NLRP14: variants seen among roughly 807,000 people sequenced by gnomAD.
NLRP14 encodes the protein NACHT, LRR and PYD domains-containing protein 14.
NLRP14 carries 105 observed loss-of-function variants against 94.7 expected under a neutral mutation model. That is an observed-to-expected ratio of 1.11 (90% confidence interval 0.95 to 1.30). The LOEUF (loss-of-function observed/expected upper bound fraction) is 1.30. Among genes scored for constraint, NLRP14 ranks in the 50% most tolerant of loss-of-function variants. The pLI, the probability that NLRP14 is intolerant of heterozygous loss-of-function variation, is 0.00. For missense variants in NLRP14, 1,362 were observed against 1,254.1 expected (o/e 1.09, Z -1.30); for synonymous variants, 508 against 459.9 (o/e 1.10, Z -1.34).
At position 7,027,100 on chromosome 11, in the gene NLRP14, C is replaced by G. The variant is rs564830040; in HGVS notation, c.-22+6330C>G. On this transcript the variant is annotated intron_variant, in intron 1 of 11. Coordinates refer to ENST00000299481, the MANE Select transcript of NLRP14 (RefSeq NM_176822.4). ...ATGTAGTCACTAGTTTCCATCCATT[C>G]TTGCTCACATGCCACATGCACCTAA... is the stretch of plus-strand genomic sequence containing the variant. 9.2e-5 allele frequency among the ~76,000 whole-genome samples: 14 copies of G among 152,026 alleles called. No homozygotes were observed. The South Asian group carries it at 2.9e-3, about 32-fold the overall frequency.
the NLRP14 span, among the ~76,000 whole-genome samples, chr11:7,080,329 A>T: frequency 6.6e-6 from 1 of 152,154 alleles, no homozygotes; most frequent in African/African-American, 2.4e-5. Context: ...AAAATGATAT[A>T]CTATCTATCC....
intron 10 of NLRP14, among the ~76,000 whole-genome samples, chr11:7,069,159 T>G (rs962018145): frequency 7.9e-5 from 12 of 152,230 alleles, no homozygotes; most frequent in Admixed American, 4.6e-4. Flanking sequence ...ATGATTATAT[T>G]TCCTGATGAA....
intron 1 of NLRP14, among the ~76,000 whole-genome samples, chr11:7,036,319 C>A (rs1443073867): frequency 6.6e-6 from 1 of 152,146 alleles, no homozygotes; most frequent in Admixed American, 6.5e-5. Flanking sequence ...ACAACAAATT[C>A]CTTCGAGGAC....
intron 10 of NLRP14, among the ~76,000 whole-genome samples, chr11:7,069,093 C>T (rs1351288749): frequency 6.6e-6 from 1 of 151,898 alleles, no homozygotes; most frequent in East Asian, 1.9e-4. Context: ...CTTTGCAGTT[C>T]TGTTCGTTTC....
chr11:7,046,981 G>A lies in NLRP14; in HGVS notation c.2123+149G>A, dbSNP rs558451553. On this transcript the variant is annotated intron_variant, in intron 5 of 11. Coordinates refer to ENST00000299481, the MANE Select transcript of NLRP14 (RefSeq NM_176822.4). The stretch of plus-strand genomic sequence containing the variant: ...AACAGGAACAATGGAATCCTCTGGG[G>A]ACATGGGATCATTACTAACTGGTTC... 1.8e-5 allele frequency: 13 copies of A among 708,720 alleles called. No homozygotes were observed. The South Asian group carries it at 1.9e-4, about 10-fold the overall frequency. 43.9% of individuals were successfully genotyped at this position (708,720 alleles called of 1,614,324 possible).
chr11:7,071,395 G>C lies in NLRP14; in HGVS notation c.*87G>C. Reference sequence around the variant, plus strand: ...ACCCAGACTTGGGTGCTTAGCTTCAGATACTCTATGCCCAGAGATAGTGCA... The same window carrying C: ...ACCCAGACTTGGGTGCTTAGCTTCACATACTCTATGCCCAGAGATAGTGCA... On this transcript the variant is annotated 3_prime_UTR_variant, in exon 12 of 12. Transcript: ENST00000299481. 1 of 1,055,772 alleles carries C rather than the reference G, an allele frequency of 9.5e-7. No homozygotes were observed. 65.4% of individuals were successfully genotyped at this position (1,055,772 alleles called of 1,614,324 possible).
At chr11:7,090,114 C>T in the NLRP14 span, 2 of 1,612,322 alleles carry the variant, frequency 1.2e-6, no homozygotes, top group Non-Finnish European at 1.7e-6. Context: ...CAGTTATGGC[C>T]GGAGCGACCG....
the NLRP14 span, chr11:7,089,673 C>T: frequency 1.4e-5 from 20 of 1,433,730 alleles, no homozygotes; most frequent in Admixed American, 4.7e-5. Context: ...CCTGGCCGTG[C>T]GGGGGCGAGA....
chr11:7,052,126 A>G (rs1485363643), intron 6 of NLRP14, among the ~76,000 whole-genome samples: 1 of 152,228 alleles, frequency 6.6e-6, no homozygotes, highest in African/African-American at 2.4e-5. Flanking sequence ...AAACCTTGGC[A>G]TAGTCCAATA....
rs775621116 is a variant in NLRP14, at chr11:7,042,551, G to A, written c.525G>A (p.Gln175=). ...LFDVDVKTGA[Q]PQIVVLQGAA... is the part of the protein sequence containing the mutation. ...ATGTGGATGTCAAAACCGGTGCACA[G>A]CCACAGATCGTGGTGCTTCAGGGAG... Residue 175 remains glutamine, a synonymous_variant, in exon 4 of 12, where the codon CAG becomes CAA. Coordinates refer to ENST00000299481, the MANE Select transcript of NLRP14 (RefSeq NM_176822.4). The A allele has an allele frequency of 1.2e-6, 2 of 1,614,222 alleles. No homozygotes were observed. The highest frequency in any genetic ancestry group is 3.3e-5 in the Admixed American group (2 of 60,034).
Position 7,043,202 on chromosome 11 carries a change from C to G in NLRP14, c.1176C>G (p.Thr392=). The G allele has an allele frequency of 6.2e-7, 1 of 1,614,128 alleles. No homozygotes were observed. Among genetic ancestry groups the G allele is most frequent in the South Asian group, 1.1e-5 (1 of 91,080 alleles). The part of the protein sequence containing the change: ...QMEKGGDVTL[T]CQTTTALFTC... ...AGAAGGGTGGTGATGTCACATTGACCTGCCAAACAACCACAGCTCTGTTTA... is the reference window on the plus strand; with the variant it reads ...AGAAGGGTGGTGATGTCACATTGACGTGCCAAACAACCACAGCTCTGTTTA... The change falls in exon 4 of 12, where the codon ACC becomes ACG. Residue 392 remains threonine (T), a synonymous_variant. Coordinates refer to ENST00000299481, the MANE Select transcript of NLRP14 (RefSeq NM_176822.4).
At chr11:7,080,527 C>G in the NLRP14 span, among the ~76,000 whole-genome samples, 3 of 152,258 alleles carry the variant, frequency 2.0e-5, no homozygotes, top group Non-Finnish European at 4.4e-5. Context: ...TTTATTGATG[C>G]TATTTCAATC....
intron 10 of NLRP14, among the ~76,000 whole-genome samples, chr11:7,069,224 G>C (rs541666506): frequency 2.0e-4 from 30 of 152,186 alleles, no homozygotes; most frequent in African/African-American, 7.2e-4. Flanking sequence ...GATTTTGTGT[G>C]ATATTTACAT....
chr11:7,058,059 T>C, intron 7 of NLRP14, among the ~76,000 whole-genome samples: 1 of 152,008 alleles, frequency 6.6e-6, no homozygotes, highest in East Asian at 1.9e-4. Flanking sequence ...TTGACCTCTT[T>C]ATTTTCATTC....
chr11:7,055,916 G>A (rs768197041), intron 6 of NLRP14, among the ~76,000 whole-genome samples: 28 of 152,010 alleles, frequency 1.8e-4, no homozygotes, highest in Non-Finnish European at 2.6e-4. Flanking sequence ...AGAGGAAGTC[G>A]TGCAGGCTCT....
At chr11:7,075,296 T>C (rs1328715154), downstream of NLRP14, among the ~76,000 whole-genome samples, 1 of 152,226 alleles carries the variant, frequency 6.6e-6, no homozygotes, top group Non-Finnish European at 1.5e-5. Context: ...TGCAAAGACC[T>C]AGTATTAAAA....
intron 1 of NLRP14, among the ~76,000 whole-genome samples, chr11:7,021,433 T>G (rs1245227025): frequency 6.6e-6 from 1 of 152,180 alleles, no homozygotes; most frequent in Non-Finnish European, 1.5e-5. Context: ...GGAGACCACA[T>G]TTTGAAAATT....
At chr11:7,089,258 C>G in the NLRP14 span, 6 of 1,611,572 alleles carry the variant, frequency 3.7e-6, no homozygotes, top group Non-Finnish European at 5.1e-6. Context: ...GAGAAACCAA[C>G]AAGTCGAGGG....
chr11:7,063,374 AG>A (rs1227180438), intron 10 of NLRP14, among the ~76,000 whole-genome samples: 17 of 152,062 alleles, frequency 1.1e-4, no homozygotes, highest in African/African-American at 3.6e-4. Context: ...CGAGTCTCAC[AG>A]GGCTGATGAA....
Sources: allele counts gnomAD v4.1 joint callset (sites outside exome capture counted in the v4.1 genomes callset), GRCh38; gene constraint gnomAD v4.1.1; transcripts MANE v1.5; gene names NCBI Gene and HGNC (gene_info 2026-07-23, HGNC 2026-07-21).